Variants in VPS13D observed in about 807,000 individuals in gnomAD.
The protein encoded by VPS13D is intermembrane lipid transfer protein VPS13D.
A neutral mutation model predicts 461.9 loss-of-function variants in VPS13D; 187 were observed. The ratio of observed to expected loss-of-function variants is 0.40; its 90% CI spans 0.36 to 0.46. The LOEUF (loss-of-function observed/expected upper bound fraction) is 0.46. Among genes scored for constraint, VPS13D ranks in the 20% least tolerant of loss-of-function variants. The pLI is 0.60. For synonymous variants in VPS13D, 1,951 were observed against 1,986.3 expected (o/e 0.98, Z 0.47); for missense variants, 4,711 against 5,364.9 (o/e 0.88, Z 3.81).
chr1:12,297,810 A>G (rs1464520142), intron 24 of VPS13D, among the ~76,000 whole-genome samples: 1 of 152,220 alleles, frequency 6.6e-6, no homozygotes, highest in Non-Finnish European at 1.5e-5. Flanking sequence ...GTGGGAGGAT[A>G]TAATCAAGGA....
At chr1:12,304,755 A>C in intron 26 of VPS13D, 27 bp downstream of exon 26, 4 of 1,608,586 alleles carry the variant, frequency 2.5e-6, no homozygotes, top group Non-Finnish European at 3.4e-6. Context: ...GCAACATAAT[A>C]CTGAAGGTGG....
At chr1:12,246,579 C>G (rs545766833) in intron 5 of VPS13D, among the ~76,000 whole-genome samples, 1 of 152,310 alleles carries the variant, frequency 6.6e-6, no homozygotes, top group South Asian at 2.1e-4. Flanking sequence ...ATACATCTCT[C>G]AGAGAAATGT....
chr1:12,377,544 G>A (rs1339807556), intron 55 of VPS13D, among the ~76,000 whole-genome samples: 3 of 151,836 alleles, frequency 2.0e-5, no homozygotes, highest in African/African-American at 7.3e-5. Flanking sequence ...ATCTGGCCAG[G>A]CACGGTAGCT....
chr1:12,260,298 T>A (rs1474027549), intron 10 of VPS13D, among the ~76,000 whole-genome samples: 1 of 152,174 alleles, frequency 6.6e-6, no homozygotes. Context: ...GTGCTGGGAT[T>A]ACAGGCGTGA....
At chr1:12,258,843 G>A (rs1388121298) in intron 10 of VPS13D, among the ~76,000 whole-genome samples, 1 of 152,180 alleles carries the variant, frequency 6.6e-6, no homozygotes, top group Non-Finnish European at 1.5e-5. Context: ...TTTCCCTTCA[G>A]CACCTGCTGT....
At chr1:12,497,318 G>C (rs1645973051) in intron 67 of VPS13D, 182 bp from the exon 68 acceptor site, 1 of 597,632 alleles carries the variant, frequency 1.7e-6, no homozygotes, top group East Asian at 4.0e-5. Context: ...AGGATTCAAA[G>C]TCAAATGAGG....
At chr1:12,395,039 ACT>A in intron 60 of VPS13D, among the ~76,000 whole-genome samples, 2 of 152,052 alleles carry the variant, frequency 1.3e-5, no homozygotes, top group Non-Finnish European at 2.9e-5. Context: ...CGTGAGTCAC[ACT>A]CTCAACCTCA....
At chr1:12,270,420 C>T (rs1376692082) in intron 16 of VPS13D, among the ~76,000 whole-genome samples, 1 of 152,076 alleles carries the variant, frequency 6.6e-6, no homozygotes, top group Non-Finnish European at 1.5e-5. Flanking sequence ...CACTGCACTC[C>T]AGCCTAGGAG....
intron 31 of VPS13D, 56 bp downstream of exon 31, chr1:12,318,393 T>C: frequency 1.3e-6 from 2 of 1,563,210 alleles, no homozygotes; most frequent in Non-Finnish European, 1.7e-6. Flanking sequence ...AGGCTCAATA[T>C]CTGCCTTACA....
chr1:12,403,202 G>C (rs1644602674), intron 62 of VPS13D, among the ~76,000 whole-genome samples: 1 of 152,248 alleles, frequency 6.6e-6, no homozygotes, highest in Non-Finnish European at 1.5e-5. Context: ...AGTGCAAAGA[G>C]CACATTGCTG....
chr1:12,308,507 G>C lies in VPS13D; in HGVS notation c.6516G>C (p.Pro2172=). The change falls in exon 27 of 70, where the codon CCG becomes CCC. Residue 2172 remains proline (P), a synonymous_variant. Transcript: ENST00000620676. ...DMDIFAAERH[P]REYSKAPEDS... is the part of the protein sequence containing the mutation. ...ACATCTTTGCTGCAGAGAGACATCC[G>C]AGAGAATACTCGAAGGCACCAGAGG... The C allele has an allele frequency of 6.2e-7, 1 of 1,614,086 alleles. No individual in the cohort carries two copies. The highest frequency in any genetic ancestry group is 8.5e-7 in the Non-Finnish European group (1 of 1,179,998).
At chr1:12,466,092 G>A (rs1300874454) in intron 67 of VPS13D, among the ~76,000 whole-genome samples, 3 of 151,004 alleles carry the variant, frequency 2.0e-5, no homozygotes, top group Admixed American at 6.6e-5. Flanking sequence ...CCGAGATTGC[G>A]CCACTGCACT....
At chr1:12,273,575 C>T (rs1641517554) in intron 18 of VPS13D, among the ~76,000 whole-genome samples, 1 of 152,202 alleles carries the variant, frequency 6.6e-6, no homozygotes, top group South Asian at 2.1e-4. Flanking sequence ...TCTCGCTCCC[C>T]ATCCCCTGGC....
intron 66 of VPS13D, among the ~76,000 whole-genome samples, chr1:12,458,005 T>C (rs573459418): frequency 6.6e-6 from 1 of 152,362 alleles, no homozygotes; most frequent in South Asian, 2.1e-4. Context: ...CCAGCATCCT[T>C]GTGACGTGGA....
At chr1:12,318,582 C>T (rs544024245) in intron 31 of VPS13D, among the ~76,000 whole-genome samples, 2 of 152,130 alleles carry the variant, frequency 1.3e-5, no homozygotes, top group Non-Finnish European at 2.9e-5. Context: ...GTGTCTGGCC[C>T]GAGCACCCGC....
At position 12,329,874 on chromosome 1, in the gene VPS13D, C is replaced by T. The variant is rs369839825; in HGVS notation, c.8243C>T (p.Ala2748Val). ...GTAAGAACTAGCCCTGAAGGCTATGCCCACTTCACCCTTTCTGGAGATTAT... is the reference window on the plus strand; with the variant it reads ...GTAAGAACTAGCCCTGAAGGCTATGTCCACTTCACCCTTTCTGGAGATTAT... ...QRVRTSPEGYAHFTLSGDYYN... is the reference protein window; with the variant it reads ...QRVRTSPEGYVHFTLSGDYYN... The change falls in exon 37 of 70, where the codon GCC (alanine) becomes GTC (valine). Residue 2748 changes from alanine (A) to valine (V), a missense_variant. By Grantham distance (64) the Ala-to-Val change is moderately conservative. Transcript: ENST00000620676. 56 of 1,613,928 alleles carry T rather than the reference C, an allele frequency of 3.5e-5. No individual in the cohort carries two copies. The highest frequency in any genetic ancestry group is 1.3e-4 in the Admixed American group (8 of 60,014).
chr1:12,448,857 C>T (rs1182035871), intron 65 of VPS13D, among the ~76,000 whole-genome samples: 2 of 152,220 alleles, frequency 1.3e-5, no homozygotes, highest in African/African-American at 4.8e-5. Flanking sequence ...GAAACAGCAT[C>T]TGAGTTCACA....
chr1:12,319,609 A>T lies in VPS13D; in HGVS notation c.7527A>T (p.Ser2509=), dbSNP rs1367357840. 6.2e-7 allele frequency: 1 copy of T among 1,614,210 alleles called. No homozygotes were observed. The highest frequency in any genetic ancestry group is 1.3e-5 in the African/African-American group (1 of 75,056). ...CCCGGTTTGTTGATCGCCCCTTTTC[A>T]GGAAGTTTGTTTGGCATTGAGGTAA... ...YKPRFVDRPF[S]GSLFGIEVFS... is the part of the protein sequence containing the mutation. The change falls in exon 32 of 70, where the codon TCA becomes TCT. Residue 2509 remains serine, a synonymous_variant. Coordinates refer to ENST00000620676, the MANE Select transcript of VPS13D (RefSeq NM_015378.4).
Position 12,275,166 on chromosome 1 carries a change from C to A in VPS13D, c.2237-659C>A, listed in dbSNP as rs180883167. 2.7e-4 allele frequency among the ~76,000 whole-genome samples: 41 copies of A among 152,202 alleles called. No homozygotes were observed. In the East Asian group the frequency reaches 6.0e-3, roughly 22 times the overall value. On this transcript the variant is annotated intron_variant, in intron 18 of 69. Transcript: ENST00000620676. ...CCTGGGAGGTGGAGGTTGTAGTGAGCCAAGATCATGCCACTGCACTCCAGC... is the reference window on the plus strand; with the variant it reads ...CCTGGGAGGTGGAGGTTGTAGTGAGACAAGATCATGCCACTGCACTCCAGC...
Sources: allele counts gnomAD v4.1 joint callset (sites outside exome capture counted in the v4.1 genomes callset), GRCh38; gene constraint gnomAD v4.1.1; transcripts MANE v1.5; gene names NCBI Gene and HGNC (gene_info 2026-07-23, HGNC 2026-07-21).